The following SLC41A3 variants were observed in gnomAD, a reference collection of about 807,000 sequenced individuals.
SLC41A3 encodes the protein solute carrier family 41 member 3, also known as SLC41A1-like 2.
SLC41A3 carries 44 observed loss-of-function variants against 45.4 expected under a neutral mutation model. That is an observed-to-expected ratio of 0.97 (90% CI 0.76 to 1.25). SLC41A3 has a LOEUF of 1.25. Among genes scored for constraint, SLC41A3 ranks in the 50% most tolerant of loss-of-function variants. SLC41A3 has a pLI of 0.00. For missense variants in SLC41A3, 550 were observed against 600.6 expected (o/e 0.92, Z 0.88); for synonymous variants, 256 against 252.4 (o/e 1.01, Z -0.13).
intron 3 of SLC41A3, among the ~76,000 whole-genome samples, chr3:126,047,191 T>G (rs182987006): frequency 7.2e-4 from 110 of 152,142 alleles, no homozygotes; most frequent in Non-Finnish European, 1.3e-3. Context: ...GGTGAAACCC[T>G]GTCTCTACAA....
chr3:126,060,190 G>A lies in SLC41A3; in HGVS notation c.273+7757C>T, dbSNP rs564288500. Among the ~76,000 whole-genome samples the A allele has an allele frequency of 4.6e-5, 7 of 152,132 alleles. No homozygotes were observed. In the South Asian group the frequency reaches 6.2e-4, roughly 14 times the overall value. On this transcript the variant is annotated intron_variant, in intron 2 of 10. Coordinates refer to ENST00000360370, the MANE Select transcript of SLC41A3 (RefSeq NM_017836.4). ...TCCCAGCACTTTGGGAGGCTGAGGC[G>A]GGCAGATCACCTGAGGTCGGGAGTT... is the stretch of plus-strand genomic sequence containing the variant.
intron 1 of SLC41A3, among the ~76,000 whole-genome samples, chr3:126,099,356 T>A (rs1423115364): frequency 3.3e-5 from 5 of 152,246 alleles, no homozygotes; most frequent in South Asian, 4.1e-4. Flanking sequence ...CGGCAATATA[T>A]TAATATCATT....
chr3:126,096,871 A>G (rs556189407), intron 1 of SLC41A3, among the ~76,000 whole-genome samples: 3 of 152,320 alleles, frequency 2.0e-5, no homozygotes, highest in African/African-American at 4.8e-5. Context: ...GGTCTCCCCA[A>G]CTGAGCTGGT....
At chr3:126,095,286 C>T (rs373856923) in intron 1 of SLC41A3, 1 of 674,154 alleles carries the variant, frequency 1.5e-6, no homozygotes. Flanking sequence ...CCCAAGGACC[C>T]CCTGTTGCAG....
At chr3:126,063,159 C>T (rs1449018586) in intron 2 of SLC41A3, among the ~76,000 whole-genome samples, 2 of 152,154 alleles carry the variant, frequency 1.3e-5, no homozygotes, top group East Asian at 1.9e-4. Context: ...CATGTGGCAC[C>T]CCCAAGCTCA....
chr3:126,016,699 G>C (rs1219825384), intron 7 of SLC41A3, 32 bp downstream of exon 7: 1 of 1,590,060 alleles, frequency 6.3e-7, no homozygotes, highest in South Asian at 1.1e-5. Flanking sequence ...CTGAGAGGAG[G>C]AAGAGGGGCC....
At chr3:126,050,860 G>A (rs557363722) in intron 3 of SLC41A3, 83 bp downstream of exon 3, 373 of 1,485,820 alleles carry the variant, frequency 2.5e-4, no homozygotes, top group Non-Finnish European at 2.8e-4. Flanking sequence ...CCAACCCACC[G>A]CCCACAAGCC....
intron 2 of SLC41A3, among the ~76,000 whole-genome samples, chr3:126,066,220 G>C (rs1397552880): frequency 6.6e-6 from 1 of 152,230 alleles, no homozygotes; most frequent in Non-Finnish European, 1.5e-5. Context: ...ACCTGAGGGG[G>C]CCTCTGGGCA....
At position 126,026,460 on chromosome 3, in the gene SLC41A3, C is replaced by A; in HGVS notation, c.473G>T (p.Gly158Val). Residue 158 changes from glycine to valine, a missense_variant, in exon 5 of 11, where the codon GGG becomes GTG. Physicochemically the swap from Gly to Val is moderately radical, Grantham distance 109. Transcript: ENST00000360370. The surrounding 1 kb of genome is among the most constrained non-coding windows in gnomAD (Gnocchi z 4.2). ...CAGCGCAGCCACAGCAGCCAAGAGC[C>A]CCACGACAGTGGCCTGCACCTGTTG... ...ALIQVQATVVGLLAAVAALLL... is the reference protein window; with the variant it reads ...ALIQVQATVVVLLAAVAALLL... 1 of 1,604,456 alleles carries A rather than the reference C, an allele frequency of 6.2e-7. No individual in the cohort carries two copies.
At chr3:126,060,313 G>A (rs1943990566) in intron 2 of SLC41A3, among the ~76,000 whole-genome samples, 1 of 152,186 alleles carries the variant, frequency 6.6e-6, no homozygotes, top group Non-Finnish European at 1.5e-5. Flanking sequence ...CAGCTACTCG[G>A]GAGGCTGAGG....
intron 1 of SLC41A3, 116 bp from the exon 2 acceptor site, chr3:126,068,362 A>C: frequency 1.1e-6 from 1 of 931,048 alleles, no homozygotes; most frequent in Non-Finnish European, 1.5e-6. Context: ...TCCAACCCAC[A>C]GCCCTTACTC....
At chr3:126,094,981 C>T (rs1021540365) in intron 1 of SLC41A3, among the ~76,000 whole-genome samples, 1 of 152,170 alleles carries the variant, frequency 6.6e-6, no homozygotes, top group African/African-American at 2.4e-5. Flanking sequence ...TGGGACAGCC[C>T]ATACACAATT....
chr3:126,099,891 T>G (rs1457230090), intron 1 of SLC41A3, among the ~76,000 whole-genome samples: 4 of 152,172 alleles, frequency 2.6e-5, no homozygotes, highest in Non-Finnish European at 5.9e-5. Context: ...AGGATTAATT[T>G]CTTGGTCCTA....
chr3:126,098,811 C>G (rs1231403588), intron 1 of SLC41A3, among the ~76,000 whole-genome samples: 1 of 152,230 alleles, frequency 6.6e-6, no homozygotes, highest in Non-Finnish European at 1.5e-5. Flanking sequence ...GGGCTGGCCT[C>G]CATTTTCCCC....
chr3:126,012,540 C>T, intron 9 of SLC41A3, 75 bp downstream of exon 9: 1 of 1,583,340 alleles, frequency 6.3e-7, no homozygotes, highest in Non-Finnish European at 8.6e-7. Context: ...GCTACAAACA[C>T]CAGATTCCAA....
chr3:126,075,454 C>G (rs578184076), intron 1 of SLC41A3, among the ~76,000 whole-genome samples: 1 of 135,644 alleles, frequency 7.4e-6, no homozygotes, highest in South Asian at 2.6e-4. Context: ...TTTTTTCTTT[C>G]TCCCTCCCTC....
intron 1 of SLC41A3, among the ~76,000 whole-genome samples, chr3:126,074,015 A>G (rs987607438): frequency 6.6e-6 from 1 of 152,148 alleles, no homozygotes; most frequent in African/African-American, 2.4e-5. Context: ...TTATTTCAGG[A>G]ATGCAAAGTT....
At chr3:126,018,643 C>T (rs1940546768) in intron 6 of SLC41A3, among the ~76,000 whole-genome samples, 1 of 152,250 alleles carries the variant, frequency 6.6e-6, no homozygotes, top group Non-Finnish European at 1.5e-5. Context: ...TGATAAACTG[C>T]AGCTTTGCTG....
chr3:126,038,252 T>G (rs921689531), intron 3 of SLC41A3, among the ~76,000 whole-genome samples: 1 of 152,228 alleles, frequency 6.6e-6, no homozygotes, highest in African/African-American at 2.4e-5. Context: ...AAGCCCCCAC[T>G]TGGCCAATGC....
Sources: allele counts gnomAD v4.1 joint callset (sites outside exome capture counted in the v4.1 genomes callset), GRCh38; gene constraint gnomAD v4.1.1; non-coding constraint Gnocchi (gnomAD v3.1); transcripts MANE v1.5; gene names NCBI Gene and HGNC (gene_info 2026-07-23, HGNC 2026-07-21).